CYP27C1: variants seen among roughly 807,000 people sequenced by gnomAD.
CYP27C1 encodes cytochrome P450 family 27 subfamily C member 1.
In CYP27C1, 29 loss-of-function variants were observed where a neutral mutation model predicts 40.6. That is an observed-to-expected ratio of 0.71 (90% CI 0.53 to 0.97). The LOEUF is 0.97. Ranked by LOEUF, CYP27C1 falls within the 50% of genes least tolerant of loss-of-function variation. The pLI, the probability that CYP27C1 is intolerant of heterozygous loss-of-function variation, is 0.00. For synonymous variants in CYP27C1, 198 were observed against 186.8 expected (o/e 1.06, Z -0.49); for missense variants, 390 against 485.8 (o/e 0.80, Z 1.85).
chr2:127,211,298 C>A (rs558685329), intron 1 of CYP27C1, among the ~76,000 whole-genome samples: 15 of 146,880 alleles, frequency 1.0e-4, no homozygotes, highest in African/African-American at 3.1e-4. Context: ...TCAAGAAGTT[C>A]TTTGAAACCA....
Position 127,201,065 on chromosome 2 carries a change from A to C in CYP27C1, c.883+57T>G. ...CCCATTGTCTGGATGAGAGTTAGAC[A>C]CACAACACGGCAGGTCAACCTGCTT... is the stretch of plus-strand genomic sequence containing the variant. On this transcript the variant is annotated intron_variant, in intron 4 of 8. Coordinates refer to ENST00000664447, the MANE Select transcript of CYP27C1 (RefSeq NM_001367502.1). The surrounding 1 kb of genome is among the most constrained non-coding windows in gnomAD (Gnocchi z 6.0). 3 of 1,536,302 alleles carry C rather than the reference A, an allele frequency of 2.0e-6. No homozygotes were observed. Among genetic ancestry groups the C allele is most frequent in the Non-Finnish European group, 2.7e-6 (3 of 1,115,824 alleles).
chr2:127,199,406 C>G lies in CYP27C1; in HGVS notation c.1017G>C (p.Val339=), dbSNP rs762193639. ...ALTLQEIYAN[V]TEMLLAGVDT... ...CGACGCCGGCCAGCAGCATCTCAGTCACGTTGGCGTAGATCTCCTGCAGCG... is the reference window on the plus strand; with the variant it reads ...CGACGCCGGCCAGCAGCATCTCAGTGACGTTGGCGTAGATCTCCTGCAGCG... The change falls in exon 5 of 9, where the codon GTG becomes GTC. Residue 339 remains valine, a synonymous_variant. Transcript: ENST00000664447. 42 of 1,614,178 alleles carry G rather than the reference C, an allele frequency of 2.6e-5. No homozygotes were observed. Among genetic ancestry groups the G allele is most frequent in the Non-Finnish European group, 3.5e-5 (41 of 1,180,034 alleles).
chr2:127,189,157 C>T (rs1682705346), intron 8 of CYP27C1, among the ~76,000 whole-genome samples: 1 of 125,098 alleles, frequency 8.0e-6, no homozygotes, highest in South Asian at 3.1e-4. Flanking sequence ...AGACAAAAGA[C>T]AAAAAACACT....
Position 127,201,030 on chromosome 2 carries a change from GCTA to G in CYP27C1, c.883+89_883+91del. On this transcript the variant is annotated intron_variant, in intron 4 of 8. Coordinates refer to ENST00000664447, the MANE Select transcript of CYP27C1 (RefSeq NM_001367502.1). This position sits in a 1 kb window ranked among gnomAD's most constrained non-coding sequence, Gnocchi z 6.0. ...ACGTGACTACATCTAGGCATCCTCT[GCTA>G]TGGTCACCCATTGTCTGGATGAGAG... 1 of 1,279,918 alleles carries G rather than the reference GCTA, an allele frequency of 7.8e-7. No individual in the cohort carries two copies. Among genetic ancestry groups the G allele is most frequent in the South Asian group, 1.3e-5 (1 of 76,182 alleles). The allele number at this position is 1,279,918 out of a possible 1,614,324, so 79.3% of individuals were successfully genotyped here.
chr2:127,216,787 GAC>G (rs1400424476), intron 1 of CYP27C1, among the ~76,000 whole-genome samples: 3 of 152,216 alleles, frequency 2.0e-5, no homozygotes, highest in Non-Finnish European at 4.4e-5. Context: ...GGCTCAGCAT[GAC>G]ACAGACAGGG....
At chr2:127,203,185 G>C (rs1343401383) in intron 3 of CYP27C1, among the ~76,000 whole-genome samples, 187 bp downstream of exon 3, 2 of 142,832 alleles carry the variant, frequency 1.4e-5, no homozygotes, top group African/African-American at 5.1e-5. Context: ...AAAAAAAAAA[G>C]TCTCAGTTTC....
chr2:127,194,117 T>G (rs114012171), intron 6 of CYP27C1, among the ~76,000 whole-genome samples: 1 of 152,322 alleles, frequency 6.6e-6, no homozygotes, highest in African/African-American at 2.4e-5. Flanking sequence ...AAGCCAAGCC[T>G]TTCACATGCC....
intron 1 of CYP27C1, among the ~76,000 whole-genome samples, chr2:127,211,983 GA>G (rs1454815390): frequency 1.3e-5 from 2 of 152,016 alleles, no homozygotes; most frequent in Non-Finnish European, 2.9e-5. Flanking sequence ...TGATAAAGGG[GA>G]TATCACCACT....
At chr2:127,215,095 C>T (rs375997742) in intron 1 of CYP27C1, among the ~76,000 whole-genome samples, 9 of 148,608 alleles carry the variant, frequency 6.1e-5, no homozygotes, top group East Asian at 4.0e-4. Flanking sequence ...CACCACCGCA[C>T]TCATGCCTGG....
chr2:127,194,195 G>T (rs1383933939), intron 6 of CYP27C1, among the ~76,000 whole-genome samples: 1 of 152,150 alleles, frequency 6.6e-6, no homozygotes, highest in African/African-American at 2.4e-5. Flanking sequence ...ACTTTATCAA[G>T]GAATAGTTCA....
intron 1 of CYP27C1, among the ~76,000 whole-genome samples, chr2:127,214,069 T>C (rs1474695977): frequency 2.0e-5 from 3 of 152,102 alleles, no homozygotes; most frequent in African/African-American, 7.2e-5. Context: ...AAGCTCAATG[T>C]ATAATGTATA....
In CYP27C1 at chr2:127,199,414, C is replaced by T. The variant is rs778519159; in HGVS notation, c.1009G>A (p.Ala337Thr). The T allele has an allele frequency of 1.2e-5, 20 of 1,613,564 alleles. No homozygotes were observed. The highest frequency in any genetic ancestry group is 1.6e-4 in the Middle Eastern group (1 of 6,082). The change falls in exon 5 of 9, where the codon GCC becomes ACC. Residue 337 changes from alanine (A) to threonine (T), a missense_variant. Coordinates refer to ENST00000664447, the MANE Select transcript of CYP27C1 (RefSeq NM_001367502.1). ...SQALTLQEIYANVTEMLLAGV... is the reference protein window; with the variant it reads ...SQALTLQEIYTNVTEMLLAGV... The stretch of plus-strand genomic sequence containing the variant: ...GCCAGCAGCATCTCAGTCACGTTGG[C>T]GTAGATCTCCTGCAGCGTCAGAGCC...
In CYP27C1 at chr2:127,204,440, AAAAGAAAGAAAGAAAGAAAGAAAGAAAG is replaced by A. The variant is rs59482629; in HGVS notation, c.474-897_474-870del. Reference sequence around the variant, plus strand: ...AAGAAAGAGAGAAAGGAAAGAAAGAAAAAGAAAGAAAGAAAGAAAGAAAGAAAGAAAGAAAGAAAGAAAGAAAGGAAGG... The same window carrying A: ...AAGAAAGAGAGAAAGGAAAGAAAGAAAAAGAAAGAAAGAAAGAAAGGAAGG... On this transcript the variant is annotated intron_variant, in intron 2 of 8. Coordinates refer to ENST00000664447, the MANE Select transcript of CYP27C1 (RefSeq NM_001367502.1). 9.7e-4 allele frequency among the ~76,000 whole-genome samples: 40 copies of A among 41,326 alleles called. 2 individuals are homozygous for A. The highest frequency in any genetic ancestry group is 7.6e-3 in the Admixed American group (19 of 2,514). The allele number at this position is 41,326 out of a possible 152,430, so 27.1% of individuals were successfully genotyped here.
chr2:127,194,842 CTTT>C (rs762311494), intron 6 of CYP27C1, among the ~76,000 whole-genome samples: 6 of 139,664 alleles, frequency 4.3e-5, no homozygotes, highest in Non-Finnish European at 3.1e-5. Context: ...GATCTTTTTT[CTTT>C]TTTTTTTTTT....
intron 2 of CYP27C1, among the ~76,000 whole-genome samples, chr2:127,204,082 T>C (rs1390094930): frequency 2.0e-5 from 3 of 151,436 alleles, no homozygotes; most frequent in African/African-American, 4.9e-5. Context: ...CTGGCCAACA[T>C]GGTGAAACCC....
chr2:127,218,056 G>A lies in CYP27C1; in HGVS notation c.282+1933C>T, dbSNP rs1007948827. Among the ~76,000 whole-genome samples, 5 of 152,180 alleles carry A rather than the reference G, an allele frequency of 3.3e-5. No individual in the cohort carries two copies. The highest frequency in any genetic ancestry group is 5.9e-5 in the Non-Finnish European group (4 of 68,030). ...TGGTGAGAAGGCAGCAAGTGAGTCA[G>A]TTGTGACTCTCTGCTCCGTGCCCCA... On this transcript the variant is annotated intron_variant, in intron 1 of 8. Transcript: ENST00000664447. This position sits in a 1 kb window ranked among gnomAD's most constrained non-coding sequence, Gnocchi z 6.0.
chr2:127,214,438 G>A (rs1683389069), intron 1 of CYP27C1, among the ~76,000 whole-genome samples: 1 of 152,176 alleles, frequency 6.6e-6, no homozygotes, highest in Non-Finnish European at 1.5e-5. Context: ...ATTAACGATA[G>A]ACTGGTTAAA....
rs1051310121 is a variant in CYP27C1 at position 127,209,363 on chromosome 2, C to G, written c.283-3273G>C. Reference sequence around the variant, plus strand: ...CCCCACAAAAACCCCATCCAAGGGTCAGCAGCCTCAAGACTGAAACTAGAC... The same window carrying G: ...CCCCACAAAAACCCCATCCAAGGGTGAGCAGCCTCAAGACTGAAACTAGAC... On this transcript the variant is annotated intron_variant, in intron 1 of 8. Transcript: ENST00000664447. The surrounding 1 kb of genome is among the most constrained non-coding windows in gnomAD (Gnocchi z 4.1). Among the ~76,000 whole-genome samples, 1 of 152,166 alleles carries G rather than the reference C, an allele frequency of 6.6e-6. No homozygotes were observed. The highest frequency in any genetic ancestry group is 2.4e-5 in the African/African-American group (1 of 41,434).
rs952425699 is a variant in CYP27C1, at chr2:127,188,300, C to T, written c.1498-913G>A. On this transcript the variant is annotated intron_variant, in intron 8 of 8. Coordinates refer to ENST00000664447, the MANE Select transcript of CYP27C1 (RefSeq NM_001367502.1). ...GGGGCTCCAGGCTGGGACCCCATGG[C>T]GTGATCACAGCTCTCTGCAGCCTCA... is the stretch of plus-strand genomic sequence containing the variant. Among the ~76,000 whole-genome samples the T allele has an allele frequency of 6.6e-5, 10 of 152,312 alleles. No individual in the cohort carries two copies. The South Asian group carries it at 8.3e-4, about 13-fold the overall frequency.
Sources: gnomAD v4.1 joint callset for allele counts (sites outside exome capture counted in the v4.1 genomes callset) on GRCh38, gnomAD v4.1.1 for gene constraint, Gnocchi (gnomAD v3.1) non-coding constraint, MANE v1.5 for transcripts, NCBI Gene and HGNC (gene_info 2026-07-23, HGNC 2026-07-21) for gene names.